Variants in GATB observed in about 807,000 individuals in gnomAD.
GATB encodes the protein glutamyl-tRNA amidotransferase subunit B.
A neutral mutation model predicts 62.3 loss-of-function variants in GATB; 39 were observed. The ratio of observed to expected loss-of-function variants is 0.63; its 90% confidence interval spans 0.48 to 0.82. The LOEUF (loss-of-function observed/expected upper bound fraction) is 0.82. Among genes scored for constraint, GATB ranks in the 40% least tolerant of loss-of-function variants. The pLI is 0.00. For missense variants in GATB, 670 were observed against 684.0 expected (o/e 0.98, Z 0.23); for synonymous variants, 276 against 258.9 (o/e 1.07, Z -0.63).
At chr4:151,755,795 T>C (rs575312241) in intron 2 of GATB, among the ~76,000 whole-genome samples, 18 of 152,322 alleles carry the variant, frequency 1.2e-4, no homozygotes, top group African/African-American at 4.3e-4. Flanking sequence ...TTCTTACATA[T>C]ATTTTCCCTT....
rs757681630 is a variant in GATB, at chr4:151,716,019, C to T, written c.753G>A (p.Ala251=). The T allele has an allele frequency of 2.5e-6, 4 of 1,613,786 alleles. No homozygotes were observed. Among genetic ancestry groups the T allele is most frequent in the Non-Finnish European group, 2.5e-6 (3 of 1,179,884 alleles). The change falls in exon 5 of 13, where the codon GCG becomes GCA. Residue 251 remains alanine (A), a synonymous_variant. Transcript: ENST00000263985. ...LILQALGTSQ[A]NMAEGQLRVD... is the part of the protein sequence containing the mutation. ...TTCTGTGGCTTCTACCTGCCATGTT[C>T]GCCTGGCTGGTCCCCAGGGCTTGAA...
chr4:151,751,582 C>A (rs1377715999), intron 2 of GATB, among the ~76,000 whole-genome samples: 1 of 152,220 alleles, frequency 6.6e-6, no homozygotes, highest in African/African-American at 2.4e-5. Context: ...TAGAACATGA[C>A]TTCCAATTAT....
rs539698226 is a variant in GATB at position 151,736,650 on chromosome 4, T to G, written c.328-17112A>C. Among the ~76,000 whole-genome samples the G allele has an allele frequency of 2.0e-5, 3 of 152,334 alleles. No homozygotes were observed. In the South Asian group the frequency reaches 6.2e-4, roughly 32 times the overall value. The stretch of plus-strand genomic sequence containing the variant: ...AGTGGAAGTATCTGTGCTCACATTT[T>G]AATGATGCAAAGTTAAAAACATGAG... On this transcript the variant is annotated intron_variant, in intron 2 of 12. Transcript: ENST00000263985.
At chr4:151,756,809 T>TC in intron 2 of GATB, among the ~76,000 whole-genome samples, 1 of 152,192 alleles carries the variant, frequency 6.6e-6, no homozygotes, top group Non-Finnish European at 1.5e-5. Context: ...TTGGTCTAAT[T>TC]TTTGACCAAA....
At chr4:151,699,105 C>T (rs746291777) in intron 9 of GATB, among the ~76,000 whole-genome samples, 4 of 152,034 alleles carry the variant, frequency 2.6e-5, no homozygotes, top group Non-Finnish European at 5.9e-5. Flanking sequence ...AAGTGCTGAA[C>T]CAGGCCGGGT....
rs1560847752 is a variant in GATB, at chr4:151,697,967, A to ATATATATATATATGTG, written c.1197+3361_1197+3362insCACATATATATATATA. Among the ~76,000 whole-genome samples the ATATATATATATATGTG allele has an allele frequency of 4.3e-3, 434 of 101,774 alleles. 12 individuals carry two copies. Among genetic ancestry groups the ATATATATATATATGTG allele is most frequent in the South Asian group, 0.019 (46 of 2,398 alleles). 66.8% of individuals were successfully genotyped at this position (101,774 alleles called of 152,430 possible). A position where few individuals can be genotyped will look rare whatever the true frequency, so the allele number is the denominator to read the frequency against. On this transcript the variant is annotated intron_variant, in intron 9 of 12. Coordinates refer to ENST00000263985, the MANE Select transcript of GATB (RefSeq NM_004564.3). ...TGTGTGTGTGTGTATATATATATAT[A>ATATATATATATATGTG]TATATATATATATATATATATATAT...
At chr4:151,749,026 T>A (rs1178059025) in intron 2 of GATB, among the ~76,000 whole-genome samples, 1 of 152,166 alleles carries the variant, frequency 6.6e-6, no homozygotes, top group African/African-American at 2.4e-5. Flanking sequence ...CTGGAGAGGA[T>A]GTGGAGAAAT....
At position 151,719,952 on chromosome 4, in the gene GATB, G is replaced by C. The variant is rs1738995284; in HGVS notation, c.328-414C>G. The C allele has an allele frequency of 3.9e-5, 6 of 153,054 alleles. No homozygotes were observed. In the Admixed American group the frequency reaches 3.9e-4, roughly 10 times the overall value. 9.5% of individuals were successfully genotyped at this position (153,054 alleles called of 1,614,324 possible). ...ATTGCTGAGAGGAGTCCTGAGGAAG[G>C]GTGGCTTCACTTTGACAGAAAAAGA... is the stretch of plus-strand genomic sequence containing the variant. On this transcript the variant is annotated intron_variant, in intron 2 of 12. Coordinates refer to ENST00000263985, the MANE Select transcript of GATB (RefSeq NM_004564.3).
chr4:151,685,823 T>G (rs4696108), intron 10 of GATB, among the ~76,000 whole-genome samples: 63,612 of 151,920 alleles, frequency 0.42, 13,803 homozygotes, highest in South Asian at 0.57. Flanking sequence ...CAAGGCGGGC[T>G]GATCACTTGA....
At chr4:151,734,219 T>C (rs1042823854) in intron 2 of GATB, among the ~76,000 whole-genome samples, 7 of 152,122 alleles carry the variant, frequency 4.6e-5, no homozygotes, top group Non-Finnish European at 1.0e-4. Flanking sequence ...AGAAAGCTCC[T>C]AGAACTGATA....
At chr4:151,735,065 A>G (rs1203241025) in intron 2 of GATB, among the ~76,000 whole-genome samples, 1 of 152,210 alleles carries the variant, frequency 6.6e-6, no homozygotes, top group Non-Finnish European at 1.5e-5. Context: ...AAGCAGTAAA[A>G]GCAAAGATAA....
chr4:151,751,183 G>A (rs1578942224), intron 2 of GATB, among the ~76,000 whole-genome samples: 1 of 151,742 alleles, frequency 6.6e-6, no homozygotes, highest in African/African-American at 2.4e-5. Context: ...GTGTGGTAGG[G>A]GACTCATTAT....
Position 151,760,796 on chromosome 4 carries a change from A to G in GATB, c.176+11T>C. The G allele has an allele frequency of 6.3e-7, 1 of 1,585,480 alleles. No individual in the cohort carries two copies. The highest frequency in any genetic ancestry group is 8.6e-7 in the Non-Finnish European group (1 of 1,164,516). ...ACAGTTAGGTGGGCAGAAATGTATG[A>G]AACAGAATACCCTTTCCTCGTCTTC... On this transcript the variant is annotated intron_variant, in intron 1 of 12. Transcript: ENST00000263985.
intron 2 of GATB, among the ~76,000 whole-genome samples, chr4:151,738,006 GC>G (rs1474542915): frequency 3.9e-5 from 6 of 152,316 alleles, no homozygotes; most frequent in African/African-American, 1.4e-4. Context: ...TGGAGTCAGA[GC>G]CCCCAGAGCC....
intron 9 of GATB, 48 bp from the exon 10 acceptor site, chr4:151,688,811 A>G (rs1254583872): frequency 1.3e-6 from 2 of 1,548,920 alleles, no homozygotes; most frequent in Non-Finnish European, 1.7e-6. Flanking sequence ...CCCAAAAATG[A>G]AAGATCAGCA....
chr4:151,758,023 A>C (rs1739871708), intron 2 of GATB, among the ~76,000 whole-genome samples: 1 of 152,200 alleles, frequency 6.6e-6, no homozygotes, highest in Non-Finnish European at 1.5e-5. Context: ...ATATGCCAAA[A>C]GTCTTGCTGA....
At position 151,758,874 on chromosome 4, in the gene GATB, A is replaced by T; in HGVS notation, c.225T>A (p.Ile75=). The change falls in exon 2 of 13, where the codon ATT becomes ATA. Residue 75 remains isoleucine, a synonymous_variant. Transcript: ENST00000263985. ...CAGAGAAGAGTTTAGAGTTGGAGGAAATCTGGGCATGAATTTCCAAACCTA... is the reference window on the plus strand; with the variant it reads ...CAGAGAAGAGTTTAGAGTTGGAGGATATCTGGGCATGAATTTCCAAACCTA... The part of the protein sequence containing the change: ...AVVGLEIHAQ[I]SSNSKLFSGS... 1 of 1,611,172 alleles carries T rather than the reference A, an allele frequency of 6.2e-7. No individual in the cohort carries two copies. The highest frequency in any genetic ancestry group is 8.5e-7 in the Non-Finnish European group (1 of 1,178,406).
chr4:151,749,854 T>C (rs1373241737), intron 2 of GATB, among the ~76,000 whole-genome samples: 2 of 151,960 alleles, frequency 1.3e-5, no homozygotes, highest in Non-Finnish European at 2.9e-5. Context: ...CTCCCCCTTA[T>C]ATCTTTATTC....
At chr4:151,681,878 A>C (rs1309936984) in intron 10 of GATB, among the ~76,000 whole-genome samples, 1 of 152,144 alleles carries the variant, frequency 6.6e-6, no homozygotes, top group Non-Finnish European at 1.5e-5. Context: ...TTCTCTGATG[A>C]GGGTGCTAAT....
Sources: gnomAD v4.1 joint callset for allele counts (sites outside exome capture counted in the v4.1 genomes callset) on GRCh38, gnomAD v4.1.1 for gene constraint, MANE v1.5 for transcripts, NCBI Gene and HGNC (gene_info 2026-07-23, HGNC 2026-07-21) for gene names.